LHFPL3: variants seen among roughly 807,000 people sequenced by gnomAD.
The protein encoded by LHFPL3 is LHFPL tetraspan subfamily member 3.
Under a neutral mutation model 19.3 loss-of-function variants are expected in LHFPL3, and 5 were observed. The ratio of observed to expected loss-of-function variants is 0.26; its 90% CI spans 0.14 to 0.54. The LOEUF is 0.54. Ranked by LOEUF, LHFPL3 falls within the 20% of genes least tolerant of loss-of-function variation. The pLI, the probability that LHFPL3 is intolerant of heterozygous loss-of-function variation, is 0.94. For missense variants in LHFPL3, 249 were observed against 307.4 expected, an observed-to-expected ratio of 0.81 and a Z score of 1.42; for synonymous variants, 133 against 126.2, an observed-to-expected ratio of 1.05 and a Z score of -0.36.
At chr7:104,816,148 T>C (rs1379869839) in intron 2 of LHFPL3, among the ~76,000 whole-genome samples, 5 of 152,114 alleles carry the variant, frequency 3.3e-5, no homozygotes, top group Non-Finnish European at 7.4e-5. Flanking sequence ...AACTGCGCCC[T>C]GTGAAAAAAA....
At chr7:104,402,281 T>G (rs1791329101) in intron 1 of LHFPL3, among the ~76,000 whole-genome samples, 2 of 152,160 alleles carry the variant, frequency 1.3e-5, no homozygotes, top group African/African-American at 4.8e-5. Context: ...CATCCTGAGG[T>G]CCAAATTTCA....
At chr7:104,687,823 G>A (rs1792834835) in intron 1 of LHFPL3, among the ~76,000 whole-genome samples, 1 of 152,110 alleles carries the variant, frequency 6.6e-6, no homozygotes, top group Non-Finnish European at 1.5e-5. Flanking sequence ...CAGAGAAAAG[G>A]GGAATGAGAA....
intron 1 of LHFPL3, among the ~76,000 whole-genome samples, chr7:104,643,796 C>T (rs1204047563): frequency 6.6e-6 from 1 of 152,202 alleles, no homozygotes; most frequent in Non-Finnish European, 1.5e-5. Context: ...CAGCAGGGGG[C>T]TCCATCTTCA....
rs201851543 is a variant in LHFPL3, at chr7:104,701,869, T to A, written c.446-34806T>A. ...ACCCTTTTTTGTTCTGATTCTTTTT[T>A]AAAAAAATTTATTATACTTTAAGTT... On this transcript the variant is annotated intron_variant, in intron 1 of 2. Coordinates refer to ENST00000424859, the MANE Select transcript of LHFPL3 (RefSeq NM_199000.3). Among the ~76,000 whole-genome samples the A allele has an allele frequency of 2.4e-4, 37 of 151,918 alleles. No homozygotes were observed. In the East Asian group the frequency reaches 6.8e-3, roughly 28 times the overall value.
At chr7:104,811,166 C>CTTTTCT (rs112135860) in intron 2 of LHFPL3, among the ~76,000 whole-genome samples, 1,027 of 18,048 alleles carry the variant, frequency 0.057, 16 homozygotes, top group South Asian at 0.14. Flanking sequence ...TTCTTTCTTT[C>CTTTTCT]TTTCTTTTCT....
intron 1 of LHFPL3, among the ~76,000 whole-genome samples, chr7:104,575,627 T>C (rs1379119457): frequency 6.9e-6 from 1 of 145,666 alleles, no homozygotes; most frequent in East Asian, 2.0e-4. Context: ...AATGGTGGGC[T>C]TCTTTGCTTT....
At chr7:104,352,169 A>C (rs1310186005) in intron 1 of LHFPL3, among the ~76,000 whole-genome samples, 1 of 151,262 alleles carries the variant, frequency 6.6e-6, no homozygotes, top group Middle Eastern at 3.2e-3. Context: ...TGTATAAAAA[A>C]AAAAAAAATC....
At chr7:104,457,289 T>A (rs958041457) in intron 1 of LHFPL3, among the ~76,000 whole-genome samples, 5 of 137,868 alleles carry the variant, frequency 3.6e-5, no homozygotes, top group Non-Finnish European at 7.7e-5. Flanking sequence ...CCCACAACAG[T>A]CCCCAGAGTG....
At chr7:104,502,476 A>G (rs574430592) in intron 1 of LHFPL3, among the ~76,000 whole-genome samples, 3 of 152,352 alleles carry the variant, frequency 2.0e-5, no homozygotes, top group Admixed American at 6.5e-5. Context: ...GCAAAAGAGT[A>G]TAGAAATGGC....
intron 1 of LHFPL3, among the ~76,000 whole-genome samples, chr7:104,373,087 A>G (rs1174620711): frequency 6.6e-6 from 1 of 152,030 alleles, no homozygotes; most frequent in African/African-American, 2.4e-5. Context: ...ATATTAGCAT[A>G]TTACAGGTTC....
chr7:104,396,747 A>T (rs1479252121), intron 1 of LHFPL3, among the ~76,000 whole-genome samples: 1 of 152,054 alleles, frequency 6.6e-6, no homozygotes, highest in African/African-American at 2.4e-5. Context: ...GCTCGAGCTC[A>T]GGAGTTCAAG....
chr7:104,507,022 AG>A (rs1793712520), intron 1 of LHFPL3, among the ~76,000 whole-genome samples: 1 of 152,344 alleles, frequency 6.6e-6, no homozygotes, highest in East Asian at 1.9e-4. Context: ...TTTTTTTAGA[AG>A]AGAGAACTGG....
intron 1 of LHFPL3, among the ~76,000 whole-genome samples, chr7:104,661,150 T>C (rs4265125): frequency 0.75 from 114,485 of 152,062 alleles, 43,232 homozygotes; most frequent in South Asian, 0.87. Flanking sequence ...CAGAGCACAG[T>C]GAACATCAAG....
chr7:104,381,915 G>T (rs1415078201), intron 1 of LHFPL3, among the ~76,000 whole-genome samples: 1 of 152,180 alleles, frequency 6.6e-6, no homozygotes, highest in Non-Finnish European at 1.5e-5. Context: ...ATTTAAAACT[G>T]CCAAATATTA....
At chr7:104,822,525 C>G (rs984621684) in intron 2 of LHFPL3, among the ~76,000 whole-genome samples, 4 of 152,130 alleles carry the variant, frequency 2.6e-5, no homozygotes, top group African/African-American at 9.7e-5. Context: ...CTGGCCTCCC[C>G]CTACTAGAAG....
At chr7:104,591,399 T>C (rs1790719623) in intron 1 of LHFPL3, among the ~76,000 whole-genome samples, 1 of 152,188 alleles carries the variant, frequency 6.6e-6, no homozygotes, top group African/African-American at 2.4e-5. Context: ...GATATGAAAT[T>C]CTGGATTGAA....
intron 1 of LHFPL3, among the ~76,000 whole-genome samples, chr7:104,686,156 G>T (rs977161766): frequency 3.9e-5 from 6 of 152,298 alleles, no homozygotes; most frequent in Middle Eastern, 3.4e-3. Context: ...TCTGAAAAGA[G>T]GTCCTGTTAC....
chr7:104,503,345 A>G (rs1394915234), intron 1 of LHFPL3, among the ~76,000 whole-genome samples: 1 of 152,154 alleles, frequency 6.6e-6, no homozygotes, highest in Non-Finnish European at 1.5e-5. Flanking sequence ...AAATGACAGG[A>G]AAAAATTAGC....
At chr7:104,458,262 G>A (rs1213051276) in intron 1 of LHFPL3, among the ~76,000 whole-genome samples, 4 of 152,130 alleles carry the variant, frequency 2.6e-5, no homozygotes, top group African/African-American at 9.7e-5. Context: ...TAACGTTTAA[G>A]TCTTTAATCC....
Sources: allele counts gnomAD v4.1 joint callset (sites outside exome capture counted in the v4.1 genomes callset), GRCh38; gene constraint gnomAD v4.1.1; transcripts MANE v1.5; gene names NCBI Gene and HGNC (gene_info 2026-07-23, HGNC 2026-07-21).